Variants in ZNF534 observed in about 807,000 individuals in gnomAD.
ZNF534 encodes zinc finger protein 534, also known as KRAB domain only 3.
Under a neutral mutation model 13.6 loss-of-function variants are expected in ZNF534, and 19 were observed. The ratio of observed to expected loss-of-function variants is 1.40; its 90% CI spans 0.97 to 2.05. The LOEUF (loss-of-function observed/expected upper bound fraction) is 2.05, where lower values mean the gene tolerates loss of function less well. Ranked by LOEUF, ZNF534 falls within the 30% of genes most tolerant of loss-of-function variation. ZNF534 has a pLI of 0.00. For synonymous variants in ZNF534, 244 were observed against 273.8 expected (o/e 0.89, Z 1.07); for missense variants, 782 against 796.3 (o/e 0.98, Z 0.22).
chr19:52,441,992 AAATGT>A lies in ZNF534; in HGVS notation c.*2553_*2557del, dbSNP rs1210532365. 6.6e-5 allele frequency among the ~76,000 whole-genome samples: 10 copies of A among 152,238 alleles called. No homozygotes were observed. Among genetic ancestry groups the A allele is most frequent in the African/African-American group, 1.2e-4 (5 of 41,460 alleles). ...GTTCCATACTAAGGAGAAATCATAT[AAATGT>A]AATGTATGTGGCACAGGCTTTCCTG... On this transcript the variant is annotated 3_prime_UTR_variant, in exon 5 of 5. Transcript: ENST00000433050.
chr19:52,435,041 G>C (rs773897022), intron 3 of ZNF534, 40 bp from the exon 4 acceptor site: 6 of 1,593,450 alleles, frequency 3.8e-6, no homozygotes, highest in Non-Finnish European at 5.1e-6. Context: ...GGACTTTGGA[G>C]ATGCCACAGC....
chr19:52,431,176 A>G (rs1243125125), intron 1 of ZNF534, among the ~76,000 whole-genome samples: 2 of 152,172 alleles, frequency 1.3e-5, no homozygotes, highest in Admixed American at 6.5e-5. Flanking sequence ...AGGGGAGCTT[A>G]GTCAAGCCCA....
chr19:52,430,762 G>A (rs778450408), intron 1 of ZNF534, among the ~76,000 whole-genome samples: 5 of 151,766 alleles, frequency 3.3e-5, no homozygotes, highest in African/African-American at 9.7e-5. Context: ...TGGCCAGGCT[G>A]ATCTTGAACT....
At chr19:52,432,644 T>G (rs2059095394) in intron 2 of ZNF534, among the ~76,000 whole-genome samples, 1 of 151,944 alleles carries the variant, frequency 6.6e-6, no homozygotes, top group African/African-American at 2.4e-5. Context: ...ATTTATTTAT[T>G]TTTTTTGAGA....
chr19:52,450,677 T>A (rs1465946970), intron 4 of ZNF534, among the ~76,000 whole-genome samples: 1 of 33,730 alleles, frequency 3.0e-5, no homozygotes, highest in Non-Finnish European at 8.8e-5. Context: ...GGAGTTTTTT[T>A]TTTTTTTGTT....
In ZNF534 at chr19:52,438,731, A is replaced by G; in HGVS notation, c.1271A>G (p.Asp424Gly). ...GGCAAAGCATTTAGAACGTGTTCAG[A>G]TCTCACTGCCCATCTTCTAATCCAT... ...ECGKAFRTCSDLTAHLLIHTG... is the reference protein window; with the variant it reads ...ECGKAFRTCSGLTAHLLIHTG... Residue 424 changes from aspartate (D) to glycine (G), a missense_variant, in exon 5 of 5, where the codon GAT (aspartate) becomes GGT (glycine). Transcript: ENST00000433050. The G allele has an allele frequency of 1.3e-6, 2 of 1,592,708 alleles. No homozygotes were observed. The highest frequency in any genetic ancestry group is 2.2e-5 in the South Asian group (2 of 89,016).
Position 52,438,636 on chromosome 19 carries a change from T to C in ZNF534, c.1176T>C (p.Ile392=). ...GTAATGAGTGTGGCAAGGTCTTTAT[T>C]GGCAATTCACGCCTTGCACGACATA... ...YKCNECGKVF[I]GNSRLARHRK... The change falls in exon 5 of 5, where the codon ATT becomes ATC. Residue 392 remains isoleucine, a synonymous_variant. Transcript: ENST00000433050. The C allele has an allele frequency of 6.3e-7, 1 of 1,588,914 alleles. No homozygotes were observed. The highest frequency in any genetic ancestry group is 1.1e-5 in the South Asian group (1 of 88,506).
intron 2 of ZNF534, among the ~76,000 whole-genome samples, chr19:52,433,567 C>T (rs538309356): frequency 3.3e-5 from 5 of 152,284 alleles, no homozygotes; most frequent in East Asian, 1.9e-4. Flanking sequence ...GGGGTTTCAC[C>T]GTGTTGGCCA....
chr19:52,436,055 A>T (rs1454027422), intron 4 of ZNF534, among the ~76,000 whole-genome samples: 1 of 149,328 alleles, frequency 6.7e-6, no homozygotes, highest in African/African-American at 2.5e-5. Context: ...TTCTGCTTCA[A>T]CCTCCCAAGT....
chr19:52,446,970 C>T (rs1053780470), downstream of ZNF534, among the ~76,000 whole-genome samples: 5 of 152,178 alleles, frequency 3.3e-5, no homozygotes, highest in African/African-American at 1.2e-4. Context: ...TTTTCTAACC[C>T]TTCCTTGGTT....
rs2059165438 is a variant in ZNF534 at position 52,440,589 on chromosome 19, T to C, written c.*1143T>C. On this transcript the variant is annotated 3_prime_UTR_variant, in exon 5 of 5. Transcript: ENST00000433050. ...TGAGGTCAGGAGTTTGAGACCAGCC[T>C]GACCAATGTGTTGAAACCCCATCAC... 6.6e-6 allele frequency among the ~76,000 whole-genome samples: 1 copy of C among 152,066 alleles called. No individual in the cohort carries two copies. The highest frequency in any genetic ancestry group is 2.1e-4 in the South Asian group (1 of 4,820).
downstream of ZNF534, among the ~76,000 whole-genome samples, chr19:52,444,247 C>A (rs1467187648): frequency 6.6e-6 from 1 of 152,096 alleles, no homozygotes; most frequent in African/African-American, 2.4e-5. Context: ...GAGAGCTGAG[C>A]TGTAGTGATT....
chr19:52,440,922 A>G lies in ZNF534; in HGVS notation c.*1476A>G, dbSNP rs2059168377. On this transcript the variant is annotated 3_prime_UTR_variant, in exon 5 of 5. Coordinates refer to ENST00000433050, the MANE Select transcript of ZNF534 (RefSeq NM_001143938.3). Reference sequence around the variant, plus strand: ...GTCTTTTTTTTTTTTTTCCCCCGAAACAAGAGTCTCGCTCTGATGCCCAGG... The same window carrying G: ...GTCTTTTTTTTTTTTTTCCCCCGAAGCAAGAGTCTCGCTCTGATGCCCAGG... Among the ~76,000 whole-genome samples, 4 of 151,430 alleles carry G rather than the reference A, an allele frequency of 2.6e-5. No homozygotes were observed. Among genetic ancestry groups the G allele is most frequent in the Non-Finnish European group, 4.4e-5 (3 of 67,878 alleles).
chr19:52,429,982 C>A (rs1296456312), intron 1 of ZNF534, among the ~76,000 whole-genome samples: 6 of 151,452 alleles, frequency 4.0e-5, no homozygotes, highest in Non-Finnish European at 7.4e-5. Flanking sequence ...ACAATGCCCT[C>A]CAGGCACATG....
intron 4 of ZNF534, chr19:52,451,124 C>T (rs1599875147): frequency 3.4e-6 from 2 of 593,208 alleles, no homozygotes; most frequent in Non-Finnish European, 6.0e-6. Context: ...AGATGGGTAG[C>T]CTTTACTTTT....
chr19:52,436,765 C>A (rs538516628), intron 4 of ZNF534, among the ~76,000 whole-genome samples: 2 of 152,254 alleles, frequency 1.3e-5, no homozygotes, highest in East Asian at 3.9e-4. Flanking sequence ...TACTGTATTT[C>A]AGCTCCAGAA....
At chr19:52,429,464 T>C (rs1475853665) in intron 1 of ZNF534, among the ~76,000 whole-genome samples, 2 of 150,850 alleles carry the variant, frequency 1.3e-5, no homozygotes, top group African/African-American at 2.5e-5. Context: ...CCTGTAATCC[T>C]GGCACTTTGC....
At chr19:52,444,673 A>T (rs898856350), downstream of ZNF534, among the ~76,000 whole-genome samples, 2 of 151,816 alleles carry the variant, frequency 1.3e-5, no homozygotes, top group Non-Finnish European at 2.9e-5. Context: ...AGGTCTTGGT[A>T]CTGCTGCTGT....
chr19:52,433,300 T>A (rs2059102093), intron 2 of ZNF534, among the ~76,000 whole-genome samples: 1 of 143,588 alleles, frequency 7.0e-6, no homozygotes, highest in African/African-American at 2.6e-5. Flanking sequence ...CTGAAGACAC[T>A]ACTTGTATCT....
Sources: allele counts gnomAD v4.1 joint callset (sites outside exome capture counted in the v4.1 genomes callset), GRCh38; gene constraint gnomAD v4.1.1; transcripts MANE v1.5; gene names NCBI Gene and HGNC (gene_info 2026-07-23, HGNC 2026-07-21).